Variants in GRK1 observed in about 807,000 individuals in gnomAD.
The protein encoded by GRK1 is G protein-coupled receptor kinase 1, also known as rhodopsin kinase GRK1.
A neutral mutation model predicts 41.7 loss-of-function variants in GRK1; 28 were observed. That is an observed-to-expected ratio of 0.67 (90% CI 0.50 to 0.92). The LOEUF (loss-of-function observed/expected upper bound fraction) is 0.92, where lower values mean the gene tolerates loss of function less well. Ranked by LOEUF, GRK1 falls within the 40% of genes least tolerant of loss-of-function variation. GRK1 has a pLI of 0.00. For synonymous variants in GRK1, 327 were observed against 286.7 expected (o/e 1.14, Z -1.42); for missense variants, 703 against 671.2 (o/e 1.05, Z -0.52).
chr13:113,662,849 A>AGAGAAGACT (rs2049797513), upstream of GRK1, among the ~76,000 whole-genome samples: 1 of 152,222 alleles, frequency 6.6e-6, no homozygotes, highest in Non-Finnish European at 1.5e-5. Flanking sequence ...ACTCAACATA[A>AGAGAAGACT]CAAAGAGATC....
chr13:113,735,109 T>C lies in GRK1; in HGVS notation c.1438T>C (p.Tyr480His), dbSNP rs1370046362. 6.5e-7 allele frequency: 1 copy of C among 1,534,772 alleles called. No individual in the cohort carries two copies. Among genetic ancestry groups the C allele is most frequent in the Admixed American group, 2.0e-5 (1 of 50,934 alleles). ...TTTCATCCCAGACTCCAAAACTGTCTACGCAAAGGATATTCAGGACGTGGG... is the reference window on the plus strand; with the variant it reads ...TTTCATCCCAGACTCCAAAACTGTCCACGCAAAGGATATTCAGGACGTGGG... ...PPFIPDSKTVYAKDIQDVGAF... is the reference protein window; with the variant it reads ...PPFIPDSKTVHAKDIQDVGAF... Residue 480 changes from tyrosine (Y) to histidine (H), a missense_variant, in exon 7 of 7, where the codon TAC becomes CAC. Coordinates refer to ENST00000335678, the MANE Select transcript of GRK1 (RefSeq NM_002929.3).
chr13:113,662,778 T>C (rs958387429), upstream of GRK1, among the ~76,000 whole-genome samples: 1 of 152,166 alleles, frequency 6.6e-6, no homozygotes, highest in Non-Finnish European at 1.5e-5. Context: ...CCATGTAATA[T>C]TGATGAAAGA....
intron 4 of GRK1, among the ~76,000 whole-genome samples, chr13:113,723,860 G>A (rs547083428): frequency 8.8e-4 from 133 of 151,430 alleles, no homozygotes; most frequent in Non-Finnish European, 1.7e-3. Context: ...GTGCCTGTGT[G>A]TGCATGCCCG....
the GRK1 span, chr13:113,651,654 C>T: frequency 4.0e-4 from 642 of 1,596,574 alleles, 2 homozygotes; most frequent in Admixed American, 1.1e-3. Flanking sequence ...CCCTGCCCGC[C>T]GCGCGGCCGT....
At chr13:113,659,203 G>A in the GRK1 span, among the ~76,000 whole-genome samples, 1 of 152,206 alleles carries the variant, frequency 6.6e-6, no homozygotes, top group African/African-American at 2.4e-5. Context: ...CGGCTCAGAC[G>A]CTTTGCTGTT....
chr13:113,671,316 A>G lies in GRK1; in HGVS notation c.828-183A>G, dbSNP rs1403733372. Among the ~76,000 whole-genome samples the G allele has an allele frequency of 6.6e-6, 1 of 152,142 alleles. No individual in the cohort carries two copies. The highest frequency in any genetic ancestry group is 6.5e-5 in the Admixed American group (1 of 15,282). On this transcript the variant is annotated intron_variant, in intron 2 of 6. Transcript: ENST00000335678. The surrounding 1 kb of genome is among the most constrained non-coding windows in gnomAD (Gnocchi z 4.1). ...TAGCAGTTGGGGTTCAGGGTCCCTGAGCTGCTAACGCCGCCAGCCACCATG... is the reference window on the plus strand; with the variant it reads ...TAGCAGTTGGGGTTCAGGGTCCCTGGGCTGCTAACGCCGCCAGCCACCATG...
upstream of GRK1, among the ~76,000 whole-genome samples, chr13:113,666,137 G>A (rs2049816953): frequency 2.7e-5 from 4 of 148,592 alleles, no homozygotes; most frequent in South Asian, 8.7e-4. Flanking sequence ...TGTGCCCCCG[G>A]TGTGTCTCAG....
At chr13:113,734,222 G>C (rs1000972393) in intron 6 of GRK1, among the ~76,000 whole-genome samples, 2 of 152,208 alleles carry the variant, frequency 1.3e-5, no homozygotes, top group African/African-American at 4.8e-5. Flanking sequence ...CCCCCCAAAC[G>C]AGAAGTCGCT....
the GRK1 span, among the ~76,000 whole-genome samples, chr13:113,652,414 C>CCT: frequency 6.6e-6 from 1 of 152,224 alleles, no homozygotes; most frequent in East Asian, 1.9e-4. Context: ...GGCCCCAAGC[C>CCT]CTCTGCTTGG....
At chr13:113,664,162 A>G (rs1423976544), upstream of GRK1, among the ~76,000 whole-genome samples, 2 of 151,822 alleles carry the variant, frequency 1.3e-5, no homozygotes, top group Non-Finnish European at 2.9e-5. The surrounding 1 kb of genome is among the most constrained non-coding windows in gnomAD (Gnocchi z 5.4). Context: ...ATAGTGTCTG[A>G]CTCCATTCAT....
intron 1 of GRK1, 60 bp from the exon 2 acceptor site, chr13:113,669,627 C>T (rs1015331040): frequency 7.5e-6 from 12 of 1,603,122 alleles, no homozygotes; most frequent in Middle Eastern, 3.3e-4. Context: ...ACGGTCTCTG[C>T]GATGCACCTA....
At chr13:113,732,810 G>C in intron 5 of GRK1, 74 bp from the exon 6 acceptor site, 1 of 1,482,176 alleles carries the variant, frequency 6.7e-7, no homozygotes, top group Non-Finnish European at 9.1e-7. Flanking sequence ...GCTCTTGTGG[G>C]AGGAGCTGTG....
At chr13:113,733,869 G>T (rs1003905764) in intron 6 of GRK1, among the ~76,000 whole-genome samples, 4 of 130,774 alleles carry the variant, frequency 3.1e-5, no homozygotes, top group Non-Finnish European at 6.2e-5. Flanking sequence ...ATACGTGTGT[G>T]CGTGTGTGCA....
rs145681382 is a variant in GRK1 at position 113,723,171 on chromosome 13, C to T, written c.1069+14C>T. The T allele has an allele frequency of 8.3e-4, 583 of 698,798 alleles. 4 individuals carry two copies. In the African/African-American group the frequency reaches 9.1e-3, roughly 11 times the overall value. 43.3% of individuals were successfully genotyped at this position (698,798 alleles called of 1,614,324 possible). A position where few individuals can be genotyped will look rare whatever the true frequency, so the allele number is the denominator to read the frequency against. ...CAGGGACCCCAGGTAAGGGTCTGAGCGCAGCTGGGGAGGCTCCGTGCATGG... is the reference window on the plus strand; with the variant it reads ...CAGGGACCCCAGGTAAGGGTCTGAGTGCAGCTGGGGAGGCTCCGTGCATGG... On this transcript the variant is annotated intron_variant, in intron 4 of 6. Transcript: ENST00000335678.
Position 113,731,244 on chromosome 13 carries a change from G to A in GRK1, c.1095G>A (p.Gln365=), listed in dbSNP as rs547702537. The part of the protein sequence containing the change: ...TPGFMAPELL[Q]GEEYDFSVDY... The stretch of plus-strand genomic sequence containing the variant: ...GTTTCATGGCCCCCGAGCTCCTGCA[G>A]GGCGAGGAGTACGACTTCTCCGTGG... Residue 365 remains glutamine (Q), a synonymous_variant, in exon 5 of 7, where the codon CAG becomes CAA. Coordinates refer to ENST00000335678, the MANE Select transcript of GRK1 (RefSeq NM_002929.3). The surrounding 1 kb of genome is among the most constrained non-coding windows in gnomAD (Gnocchi z 5.6). 2.0e-6 allele frequency: 3 copies of A among 1,537,014 alleles called. No individual in the cohort carries two copies. The highest frequency in any genetic ancestry group is 1.4e-5 in the African/African-American group (1 of 73,168).
chr13:113,652,982 T>A, the GRK1 span: 2 of 1,614,208 alleles, frequency 1.2e-6, no homozygotes, highest in South Asian at 2.2e-5. Flanking sequence ...GCAGGAGAAC[T>A]TGGTGTGGTT....
upstream of GRK1, among the ~76,000 whole-genome samples, chr13:113,663,555 C>T (rs115384012): frequency 3.3e-5 from 5 of 152,192 alleles, no homozygotes; most frequent in South Asian, 2.1e-4. Context: ...ATTCGAAAAC[C>T]GCATGTCTGA....
chr13:113,665,600 T>A (rs952702809), upstream of GRK1, among the ~76,000 whole-genome samples: 2 of 142,920 alleles, frequency 1.4e-5, no homozygotes, highest in African/African-American at 5.8e-5. Context: ...GCCCCAGCTG[T>A]CCCAGGTGTG....
the GRK1 span, chr13:113,650,575 TTGTGTGCG>T: frequency 2.3e-6 from 3 of 1,313,032 alleles, no homozygotes; most frequent in Non-Finnish European, 2.1e-6. The surrounding 1 kb of genome is among the most constrained non-coding windows in gnomAD (Gnocchi z 5.0). Context: ...TGTGTTGCGT[TTGTGTGCG>T]TGTGTGCACA....
Sources: gnomAD v4.1 joint callset for allele counts (sites outside exome capture counted in the v4.1 genomes callset) on GRCh38, gnomAD v4.1.1 for gene constraint, Gnocchi (gnomAD v3.1) non-coding constraint, MANE v1.5 for transcripts, NCBI Gene and HGNC (gene_info 2026-07-23, HGNC 2026-07-21) for gene names.